Variants in SGMS2 observed in about 807,000 individuals in gnomAD.
SGMS2 encodes the protein phosphatidylcholine:ceramide cholinephosphotransferase 2.
A neutral mutation model predicts 43.8 loss-of-function variants in SGMS2; 21 were observed. The ratio of observed to expected loss-of-function variants is 0.48; its 90% CI spans 0.34 to 0.69. The LOEUF is 0.69. Ranked by LOEUF, SGMS2 falls within the 30% of genes least tolerant of loss-of-function variation. The pLI, the probability that SGMS2 is intolerant of heterozygous loss-of-function variation, is 0.01. For missense variants in SGMS2, 384 were observed against 443.2 expected (o/e 0.87, Z 1.20); for synonymous variants, 167 against 160.6 (o/e 1.04, Z -0.30).
At chr4:107,904,690 T>G (rs9997219) in intron 5 of SGMS2, among the ~76,000 whole-genome samples, 9,389 of 152,226 alleles carry the variant, frequency 0.062, 469 homozygotes, top group African/African-American at 0.12. Flanking sequence ...CACACTCTTG[T>G]GGTGGTGGAG....
rs923433572 is a variant in SGMS2, at chr4:107,914,758, G to C, written c.*4205G>C. On this transcript the variant is annotated 3_prime_UTR_variant, in exon 7 of 7. Coordinates refer to ENST00000690982, the MANE Select transcript of SGMS2 (RefSeq NM_001375905.1). ...TTTATCACATTGGATTCAAATTCAG[G>C]TTCCTTTTTTGATAAAGAGGAAATT... 6.6e-6 allele frequency: 1 copy of C among 152,030 alleles called. No individual in the cohort carries two copies. Among genetic ancestry groups the C allele is most frequent in the Non-Finnish European group, 1.5e-5 (1 of 67,990 alleles). The allele number at this position is 152,030 out of a possible 1,614,324, so 9.4% of individuals were successfully genotyped here.
chr4:107,893,045 G>A (rs911321857), intron 2 of SGMS2: 2 of 151,948 alleles, frequency 1.3e-5, no homozygotes, highest in South Asian at 2.1e-4. Context: ...CACTAATAAC[G>A]ATAAATGGGC....
rs1732273514 is a variant in SGMS2, at chr4:107,913,806, G to A, written c.*3253G>A. ...TTTACTTTGAAACACCAAATTTGTT[G>A]TCTTGGTTTTTTTTACATGACAGAA... On this transcript the variant is annotated 3_prime_UTR_variant, in exon 7 of 7. Coordinates refer to ENST00000690982, the MANE Select transcript of SGMS2 (RefSeq NM_001375905.1). 6.6e-6 allele frequency: 1 copy of A among 151,998 alleles called. No homozygotes were observed. The allele number at this position is 151,998 out of a possible 1,614,324, so 9.4% of individuals were successfully genotyped here. A position where few individuals can be genotyped will look rare whatever the true frequency, so the allele number is the denominator to read the frequency against.
At chr4:107,846,751 T>G (rs1386839743) in intron 1 of SGMS2, among the ~76,000 whole-genome samples, 16 of 145,742 alleles carry the variant, frequency 1.1e-4, no homozygotes, top group African/African-American at 2.8e-4. Context: ...TGTTCCTATT[T>G]CTCCACATCC....
At chr4:107,834,222 GT>G (rs1213818123) in intron 1 of SGMS2, among the ~76,000 whole-genome samples, 1 of 152,226 alleles carries the variant, frequency 6.6e-6, no homozygotes, top group African/African-American at 2.4e-5. Flanking sequence ...GACACATTAA[GT>G]ATAGCAAGGT....
At position 107,825,259 on chromosome 4, in the gene SGMS2, G is replaced by A. The variant is rs1203110884; in HGVS notation, c.-327+6G>A. 1 of 152,328 alleles carries A rather than the reference G, an allele frequency of 6.6e-6. No individual in the cohort carries two copies. The highest frequency in any genetic ancestry group is 1.5e-5 in the Non-Finnish European group (1 of 68,224). 9.4% of individuals were successfully genotyped at this position (152,328 alleles called of 1,614,324 possible). On this transcript the variant is annotated splice_donor_region_variant and intron_variant, in intron 1 of 6. Coordinates refer to ENST00000690982, the MANE Select transcript of SGMS2 (RefSeq NM_001375905.1). ...GGAGCCCTGGCCACCAGCGGGTAAG[G>A]AGCGCGCGGAGGGGCCAGGAGGAGG...
chr4:107,855,800 T>C (rs1462605366), intron 1 of SGMS2, among the ~76,000 whole-genome samples: 1 of 152,234 alleles, frequency 6.6e-6, no homozygotes, highest in East Asian at 1.9e-4. Context: ...AGTCCTCTAC[T>C]ATTATTGTTT....
chr4:107,850,345 G>A (rs1370410935), intron 1 of SGMS2, among the ~76,000 whole-genome samples: 1 of 152,122 alleles, frequency 6.6e-6, no homozygotes, highest in African/African-American at 2.4e-5. Flanking sequence ...AAGACAATGT[G>A]GTTACATTTC....
chr4:107,854,554 G>C (rs1312901212), intron 1 of SGMS2, among the ~76,000 whole-genome samples: 3 of 152,114 alleles, frequency 2.0e-5, no homozygotes, highest in African/African-American at 7.2e-5. Flanking sequence ...CAATGCATCA[G>C]GTTACTTAGT....
chr4:107,883,517 T>C (rs936234364), intron 2 of SGMS2, among the ~76,000 whole-genome samples: 2 of 152,184 alleles, frequency 1.3e-5, no homozygotes, highest in African/African-American at 4.8e-5. Flanking sequence ...GGTTTTGCCA[T>C]GTTGGCCAGG....
rs1730601276 is a variant in SGMS2 at position 107,895,641 on chromosome 4, C to A, written c.88C>A (p.Pro30Thr). The change falls in exon 3 of 7, where the codon CCT (proline) becomes ACT (threonine). Residue 30 changes from proline (P) to threonine (T), a missense_variant. By Grantham distance (38) the Pro-to-Thr change is conservative (BLOSUM62 -1). Coordinates refer to ENST00000690982, the MANE Select transcript of SGMS2 (RefSeq NM_001375905.1). ...PTNTYARPAE[P>T]VEEENKNGNG... Reference sequence around the variant, plus strand: ...GAACACTTATGCAAGACCCGCTGAACCTGTTGAAGAAGAAAACAAAAATGG... The same window carrying A: ...GAACACTTATGCAAGACCCGCTGAAACTGTTGAAGAAGAAAACAAAAATGG... 1.2e-6 allele frequency: 2 copies of A among 1,613,844 alleles called. No individual in the cohort carries two copies. The highest frequency in any genetic ancestry group is 1.6e-4 in the Middle Eastern group (1 of 6,082).
Position 107,876,537 on chromosome 4 carries a change from G to A in SGMS2, c.-245+17984G>A, listed in dbSNP as rs182482747. On this transcript the variant is annotated intron_variant, in intron 2 of 6. Coordinates refer to ENST00000690982, the MANE Select transcript of SGMS2 (RefSeq NM_001375905.1). ...TTCAAGAAGTCATTTTTAAATACCC[G>A]TTTCAGTCGCCTGTTTTTATTATGC... Among the ~76,000 whole-genome samples, 232 of 152,194 alleles carry A rather than the reference G, an allele frequency of 1.5e-3. 1 individual carries two copies. Among genetic ancestry groups the A allele is most frequent in the African/African-American group, 5.3e-3 (219 of 41,526 alleles).
At chr4:107,893,430 G>A (rs1730405861) in intron 2 of SGMS2, 1 of 152,230 alleles carries the variant, frequency 6.6e-6, no homozygotes, top group African/African-American at 2.4e-5. Context: ...AAATGGCTGT[G>A]TTAGTGCTTC....
intron 2 of SGMS2, among the ~76,000 whole-genome samples, chr4:107,884,842 C>T (rs912376828): frequency 6.6e-6 from 1 of 152,164 alleles, no homozygotes; most frequent in African/African-American, 2.4e-5. Flanking sequence ...CCACCTTGAG[C>T]ACATGTCATC....
At position 107,913,428 on chromosome 4, in the gene SGMS2, TGA is replaced by T. The variant is rs1346417270; in HGVS notation, c.*2877_*2878del. On this transcript the variant is annotated 3_prime_UTR_variant, in exon 7 of 7. Coordinates refer to ENST00000690982, the MANE Select transcript of SGMS2 (RefSeq NM_001375905.1). ...GGAAGGCTGTTTTGAGAGTGAGCGT[TGA>T]GTCTACTCTGGTTTGTGGATGACAT... 1 of 152,194 alleles carries T rather than the reference TGA, an allele frequency of 6.6e-6. No homozygotes were observed. Among genetic ancestry groups the T allele is most frequent in the Non-Finnish European group, 1.5e-5 (1 of 68,038 alleles). The allele number at this position is 152,194 out of a possible 1,614,324, so 9.4% of individuals were successfully genotyped here. A position where few individuals can be genotyped will look rare whatever the true frequency, so the allele number is the denominator to read the frequency against.
chr4:107,887,528 T>C (rs1729858056), intron 2 of SGMS2, among the ~76,000 whole-genome samples: 1 of 152,230 alleles, frequency 6.6e-6, no homozygotes, highest in Non-Finnish European at 1.5e-5. Context: ...TGACAATGCT[T>C]TCTGCATAAT....
rs534128313 is a variant in SGMS2, at chr4:107,855,355, T to C, written c.-326-3117T>C. 2.6e-5 allele frequency among the ~76,000 whole-genome samples: 4 copies of C among 152,348 alleles called. No homozygotes were observed. The East Asian group carries it at 7.7e-4, about 29-fold the overall frequency. On this transcript the variant is annotated intron_variant, in intron 1 of 6. Coordinates refer to ENST00000690982, the MANE Select transcript of SGMS2 (RefSeq NM_001375905.1). Reference sequence around the variant, plus strand: ...TGCTATAAAATTCCCTCGGTACTGCTTTTGCTGTATCTGATAGGTTCTGGT... The same window carrying C: ...TGCTATAAAATTCCCTCGGTACTGCCTTTGCTGTATCTGATAGGTTCTGGT...
rs563921283 is a variant in SGMS2 at position 107,828,217 on chromosome 4, C to T, written c.-327+2964C>T. On this transcript the variant is annotated intron_variant, in intron 1 of 6. Transcript: ENST00000690982. ...TATCTGCCCCCTCTTTATATTTTGC[C>T]CCTATGCACAGATAACACAAACAGC... Among the ~76,000 whole-genome samples, 121 of 152,092 alleles carry T rather than the reference C, an allele frequency of 8.0e-4. 2 individuals are homozygous for T. In the South Asian group the frequency reaches 0.024, roughly 31 times the overall value.
intron 2 of SGMS2, among the ~76,000 whole-genome samples, chr4:107,868,967 GA>G (rs1464633584): frequency 1.1e-4 from 16 of 152,088 alleles, no homozygotes; most frequent in African/African-American, 3.9e-4. Flanking sequence ...TGTACTTACA[GA>G]ACACCATTTT....
Sources: gnomAD v4.1 joint callset for allele counts (sites outside exome capture counted in the v4.1 genomes callset) on GRCh38, gnomAD v4.1.1 for gene constraint, MANE v1.5 for transcripts, NCBI Gene and HGNC (gene_info 2026-07-23, HGNC 2026-07-21) for gene names.